Variants in BORCS5 observed in about 807,000 individuals in gnomAD.
The protein encoded by BORCS5 is BLOC-1 related complex subunit 5.
In BORCS5, 17 loss-of-function variants were observed where a neutral mutation model predicts 22.1. That is an observed-to-expected ratio of 0.77 (90% CI 0.53 to 1.15). BORCS5 has a LOEUF of 1.15. Among genes scored for constraint, BORCS5 ranks in the 50% most tolerant of loss-of-function variants. The probability of loss-of-function intolerance (pLI) is 0.00; values close to 1 mark genes in which losing one functional copy is unlikely to be tolerated. For missense variants in BORCS5, 247 were observed against 253.2 expected (o/e 0.98, Z 0.17); for synonymous variants, 117 against 99.8 (o/e 1.17, Z -1.03).
rs1015575854 is a variant in BORCS5, at chr12:12,471,083, T to G, written c.*5307T>G. On this transcript the variant is annotated 3_prime_UTR_variant, in exon 4 of 4. Transcript: ENST00000314565. Reference sequence around the variant, plus strand: ...TTACCCTATTTGCCTGTCACATTGCTTCTACCGGCCACATCCTGCATTTCC... The same window carrying G: ...TTACCCTATTTGCCTGTCACATTGCGTCTACCGGCCACATCCTGCATTTCC... Among the ~76,000 whole-genome samples the G allele has an allele frequency of 5.3e-5, 8 of 152,232 alleles. No homozygotes were observed. The highest frequency in any genetic ancestry group is 1.9e-4 in the African/African-American group (8 of 41,452).
chr12:12,431,691 C>T (rs1265192240), intron 2 of BORCS5, among the ~76,000 whole-genome samples: 10 of 148,536 alleles, frequency 6.7e-5, no homozygotes, highest in South Asian at 4.3e-4. Flanking sequence ...TGAGCCACTG[C>T]GCCTGGCCCT....
intron 2 of BORCS5, among the ~76,000 whole-genome samples, chr12:12,415,620 G>A (rs1259020684): frequency 7.0e-6 from 1 of 142,292 alleles, no homozygotes; most frequent in African/African-American, 2.6e-5. Context: ...TCTAATATAG[G>A]CTGTTACGTG....
At position 12,357,350 on chromosome 12, in the gene BORCS5, C is replaced by A; in HGVS notation, c.-102C>A. On this transcript the variant is annotated 5_prime_UTR_variant, in exon 1 of 4. Coordinates refer to ENST00000314565, the MANE Select transcript of BORCS5 (RefSeq NM_058169.6). ...GCCTCGCTGCGGCGCCCAGACTCTGCTTTGCCTCCCCGTCCCGGTCCCTGG... is the reference window on the plus strand; with the variant it reads ...GCCTCGCTGCGGCGCCCAGACTCTGATTTGCCTCCCCGTCCCGGTCCCTGG... The A allele has an allele frequency of 6.7e-7, 1 of 1,501,910 alleles. No homozygotes were observed. The allele number at this position is 1,501,910 out of a possible 1,614,324, so 93.0% of individuals were successfully genotyped here.
At chr12:12,374,952 CAAAAA>C (rs112909758) in intron 2 of BORCS5, among the ~76,000 whole-genome samples, 1 of 106,352 alleles carries the variant, frequency 9.4e-6, no homozygotes, top group African/African-American at 2.8e-5. Flanking sequence ...GAGACTGTCT[CAAAAA>C]AAAAAAAAAA....
intron 3 of BORCS5, among the ~76,000 whole-genome samples, chr12:12,438,086 CAGAG>C (rs1344529384): frequency 6.6e-6 from 1 of 152,120 alleles, no homozygotes; most frequent in Non-Finnish European, 1.5e-5. Context: ...CATTAACTCT[CAGAG>C]AGGAGATCTT....
At chr12:12,437,947 T>G (rs1004140320) in intron 3 of BORCS5, among the ~76,000 whole-genome samples, 5 of 152,000 alleles carry the variant, frequency 3.3e-5, no homozygotes, top group African/African-American at 1.2e-4. Context: ...TAGGATGTTT[T>G]CAAACTCCTC....
intron 3 of BORCS5, among the ~76,000 whole-genome samples, chr12:12,463,508 G>A (rs919139939): frequency 3.3e-5 from 5 of 152,154 alleles, no homozygotes; most frequent in East Asian, 1.9e-4. Flanking sequence ...GCTGGACTTC[G>A]GAGAGCTGGG....
intron 2 of BORCS5, among the ~76,000 whole-genome samples, chr12:12,389,953 C>T (rs1450078245): frequency 6.6e-6 from 1 of 152,074 alleles, no homozygotes; most frequent in African/African-American, 2.4e-5. Flanking sequence ...CTCAAGCAGT[C>T]TTTAAATCTT....
Position 12,469,923 on chromosome 12 carries a change from T to C in BORCS5, c.*4147T>C, listed in dbSNP as rs74647409. Among the ~76,000 whole-genome samples, 9,649 of 152,252 alleles carry C rather than the reference T, an allele frequency of 0.063. 431 individuals are homozygous for C. Among genetic ancestry groups the C allele is most frequent in the East Asian group, 0.17 (902 of 5,166 alleles). ...TTTGTTAAGAACTATATAGTGCCTC[T>C]GAGGAGGTGGCATTATTGTTCACTA... On this transcript the variant is annotated 3_prime_UTR_variant, in exon 4 of 4. Coordinates refer to ENST00000314565, the MANE Select transcript of BORCS5 (RefSeq NM_058169.6).
In BORCS5 at chr12:12,371,976, G is replaced by T. The variant is rs117482440; in HGVS notation, c.202+10627G>T. On this transcript the variant is annotated intron_variant, in intron 2 of 3. Transcript: ENST00000314565. Reference sequence around the variant, plus strand: ...TAGATTCTCCCCCTTAAATGTCTTTGATCTCTCTGCTTATCATGCTTATGT... The same window carrying T: ...TAGATTCTCCCCCTTAAATGTCTTTTATCTCTCTGCTTATCATGCTTATGT... Among the ~76,000 whole-genome samples the T allele has an allele frequency of 2.3e-3, 349 of 152,164 alleles. 1 individual carries two copies. The highest frequency in any genetic ancestry group is 3.8e-3 in the Non-Finnish European group (257 of 67,986).
chr12:12,357,407 G>A lies in BORCS5; in HGVS notation c.-45G>A. 6.3e-7 allele frequency: 1 copy of A among 1,591,792 alleles called. No homozygotes were observed. ...CCCTGTCGCCCGCCGCCGGAGCGGT[G>A]ACCGCCCGGCCCGCCGTTCTTCTGC... On this transcript the variant is annotated 5_prime_UTR_variant, in exon 1 of 4. Transcript: ENST00000314565.
intron 3 of BORCS5, among the ~76,000 whole-genome samples, chr12:12,462,939 C>T (rs968401397): frequency 1.2e-4 from 17 of 138,426 alleles, no homozygotes; most frequent in African/African-American, 8.4e-5. Context: ...TGAGCCACCA[C>T]GCCTGGCCAA....
chr12:12,456,548 C>T (rs1216653671), intron 3 of BORCS5, among the ~76,000 whole-genome samples: 1 of 152,188 alleles, frequency 6.6e-6, no homozygotes, highest in Non-Finnish European at 1.5e-5. Flanking sequence ...ACCGTACTCT[C>T]TTGTTGGAGA....
At chr12:12,435,826 G>T (rs767372772) in intron 3 of BORCS5, 41 bp downstream of exon 3, 3 of 1,584,170 alleles carry the variant, frequency 1.9e-6, no homozygotes, top group Non-Finnish European at 2.6e-6. Flanking sequence ...ACTGGTTGTT[G>T]TGATTCTCTG....
At position 12,452,726 on chromosome 12, in the gene BORCS5, A is replaced by G. The variant is rs1363546014; in HGVS notation, c.361-12820A>G. ...GCGTAATTAAGGAAAACATTTGCCC[A>G]TTGTTGTCCATTGTGCTAGAGAGAG... is the stretch of plus-strand genomic sequence containing the variant. On this transcript the variant is annotated intron_variant, in intron 3 of 3. Coordinates refer to ENST00000314565, the MANE Select transcript of BORCS5 (RefSeq NM_058169.6). Among the ~76,000 whole-genome samples, 3 of 152,342 alleles carry G rather than the reference A, an allele frequency of 2.0e-5. No individual in the cohort carries two copies. The South Asian group carries it at 6.2e-4, about 32-fold the overall frequency.
chr12:12,375,309 G>A (rs1360148508), intron 2 of BORCS5, among the ~76,000 whole-genome samples: 2 of 152,200 alleles, frequency 1.3e-5, no homozygotes, highest in African/African-American at 2.4e-5. Flanking sequence ...CACTGTGTCC[G>A]GCCTGTAGAG....
intron 2 of BORCS5, among the ~76,000 whole-genome samples, chr12:12,420,815 A>G (rs79674249): frequency 1.1e-4 from 16 of 152,138 alleles, no homozygotes; most frequent in East Asian, 1.9e-4. Flanking sequence ...CTTTGAAGCA[A>G]TTGTGAATGG....
intron 3 of BORCS5, among the ~76,000 whole-genome samples, chr12:12,456,425 T>C (rs1942999343): frequency 6.6e-6 from 1 of 152,222 alleles, no homozygotes; most frequent in African/African-American, 2.4e-5. Context: ...AGCGAGACCC[T>C]GTCTCCAAAT....
chr12:12,408,567 C>T (rs968035128), intron 2 of BORCS5, among the ~76,000 whole-genome samples: 2 of 152,202 alleles, frequency 1.3e-5, no homozygotes, highest in Non-Finnish European at 2.9e-5. Flanking sequence ...TCCTCTCTTC[C>T]TCCCAGCCCT....
Sources: gnomAD v4.1 joint callset for allele counts (sites outside exome capture counted in the v4.1 genomes callset) on GRCh38, gnomAD v4.1.1 for gene constraint, MANE v1.5 for transcripts, NCBI Gene and HGNC (gene_info 2026-07-23, HGNC 2026-07-21) for gene names.